Variants in SIPA1L1 observed in about 807,000 individuals in gnomAD.
The protein encoded by SIPA1L1 is signal induced proliferation associated 1 like 1, also known as signal-induced proliferation-associated 1-like protein 1.
Under a neutral mutation model 162.7 loss-of-function variants are expected in SIPA1L1, and 26 were observed. The observed-to-expected ratio is 0.16, with a 90% CI of 0.12 to 0.22. The LOEUF (loss-of-function observed/expected upper bound fraction) is 0.22. Ranked by LOEUF, SIPA1L1 falls within the 10% of genes least tolerant of loss-of-function variation. The pLI is 1.00. For missense variants in SIPA1L1, 1,874 were observed against 2,241.0 expected (o/e 0.84, Z 3.31); for synonymous variants, 829 against 837.4 (o/e 0.99, Z 0.17).
intron 2 of SIPA1L1, among the ~76,000 whole-genome samples, chr14:71,492,157 A>G (rs568593501): frequency 2.6e-5 from 4 of 152,312 alleles, no homozygotes; most frequent in South Asian, 4.1e-4. Context: ...AGGGTGGTAT[A>G]GTAACTCAGT....
intron 2 of SIPA1L1, chr14:71,413,811 A>T (rs571563455): frequency 2.8e-4 from 42 of 152,360 alleles, no homozygotes; most frequent in African/African-American, 9.9e-4. Flanking sequence ...TTTTAGAGAC[A>T]AAGTATAAAA....
At chr14:71,388,014 G>C (rs2040471228) in intron 2 of SIPA1L1, among the ~76,000 whole-genome samples, 1 of 152,258 alleles carries the variant, frequency 6.6e-6, no homozygotes, top group Admixed American at 6.5e-5. Flanking sequence ...TCACTCTGCA[G>C]AGCAAGGTGT....
intron 4 of SIPA1L1, among the ~76,000 whole-genome samples, chr14:71,544,193 A>T (rs1806056175): frequency 6.6e-6 from 1 of 151,078 alleles, no homozygotes; most frequent in Non-Finnish European, 1.5e-5. Context: ...GTATATATAC[A>T]TATGCATGTA....
chr14:71,323,658 C>G (rs985085476), intron 2 of SIPA1L1, among the ~76,000 whole-genome samples: 3 of 152,052 alleles, frequency 2.0e-5, no homozygotes, highest in African/African-American at 7.2e-5. Context: ...TGGATCAAAT[C>G]ATGGAAGTTC....
intron 17 of SIPA1L1, among the ~76,000 whole-genome samples, chr14:71,722,358 T>G (rs1265488320): frequency 6.6e-6 from 1 of 152,228 alleles, no homozygotes; most frequent in Non-Finnish European, 1.5e-5. Flanking sequence ...GATACAGTAT[T>G]ATTAACTAGA....
intron 2 of SIPA1L1, among the ~76,000 whole-genome samples, chr14:71,364,198 G>C (rs1053940646): frequency 6.6e-6 from 1 of 152,158 alleles, no homozygotes; most frequent in Non-Finnish European, 1.5e-5. Flanking sequence ...GGCAAACACT[G>C]TACTCTTAAC....
intron 13 of SIPA1L1, among the ~76,000 whole-genome samples, chr14:71,690,663 AT>A (rs1007977137): frequency 1.3e-5 from 2 of 151,890 alleles, no homozygotes; most frequent in Non-Finnish European, 1.5e-5. Context: ...GGTATTCCTG[AT>A]TTTTTTTGTA....
At chr14:71,544,507 C>G (rs1170872339) in intron 4 of SIPA1L1, among the ~76,000 whole-genome samples, 1 of 152,048 alleles carries the variant, frequency 6.6e-6, no homozygotes, top group Admixed American at 6.5e-5. Flanking sequence ...ATGGTTAACG[C>G]TGTACTATGT....
At chr14:71,567,032 C>T (rs1055079487) in intron 4 of SIPA1L1, among the ~76,000 whole-genome samples, 1 of 152,060 alleles carries the variant, frequency 6.6e-6, no homozygotes, top group African/African-American at 2.4e-5. Context: ...GATCAGTAAA[C>T]AAATTAAAAT....
rs58712418 is a variant in SIPA1L1, at chr14:71,543,937, GTATA to G, written c.-303+14572_-303+14575del. Among the ~76,000 whole-genome samples the G allele has an allele frequency of 2.1e-5, 3 of 140,530 alleles. No homozygotes were observed. In the East Asian group the frequency reaches 6.7e-4, roughly 31 times the overall value. 92.2% of individuals were successfully genotyped at this position (140,530 alleles called of 152,430 possible). Reference sequence around the variant, plus strand: ...ATACATATATCATACGTATATGTGTGTATATATACATATACGCACATGTATGTAT... The same window carrying G: ...ATACATATATCATACGTATATGTGTGTATACATATACGCACATGTATGTAT... On this transcript the variant is annotated intron_variant, in intron 4 of 23. Transcript: ENST00000381232.
intron 5 of SIPA1L1, among the ~76,000 whole-genome samples, chr14:71,602,905 A>G (rs1271444441): frequency 1.3e-5 from 2 of 152,212 alleles, no homozygotes; most frequent in African/African-American, 4.8e-5. Flanking sequence ...CCCACCATCC[A>G]TGGAAAAATT....
chr14:71,536,326 A>AAC lies in SIPA1L1; in HGVS notation c.-303+6957_-303+6958insCA, dbSNP rs1338439418. On this transcript the variant is annotated intron_variant, in intron 4 of 23. Transcript: ENST00000381232. ...TCTTAACTTCCAATGGGCTTCTTTTAAGTGTCTATGCTTAACAGAAGCTTT... is the reference window on the plus strand; with the variant it reads ...TCTTAACTTCCAATGGGCTTCTTTTAACAGTGTCTATGCTTAACAGAAGCTTT... 7.2e-5 allele frequency among the ~76,000 whole-genome samples: 11 copies of AAC among 152,268 alleles called. No individual in the cohort carries two copies. The Middle Eastern group carries it at 0.014, about 188-fold the overall frequency.
At chr14:71,594,089 C>G (rs939119330) in intron 5 of SIPA1L1, among the ~76,000 whole-genome samples, 6 of 152,220 alleles carry the variant, frequency 3.9e-5, no homozygotes, top group African/African-American at 1.4e-4. Flanking sequence ...TTCCAAAACA[C>G]ATACAAATCA....
intron 21 of SIPA1L1, among the ~76,000 whole-genome samples, chr14:71,734,936 C>T (rs372627781): frequency 5.3e-5 from 8 of 152,166 alleles, no homozygotes; most frequent in Non-Finnish European, 1.2e-4. Context: ...AGCTCTCGAA[C>T]GCATTTATTT....
intron 4 of SIPA1L1, among the ~76,000 whole-genome samples, chr14:71,555,538 A>ATT (rs1186608886): frequency 2.0e-5 from 3 of 152,146 alleles, no homozygotes; most frequent in African/African-American, 7.2e-5. Flanking sequence ...CTTTCTTATC[A>ATT]TTTATGTGTT....
At chr14:71,472,264 G>A (rs1369109267) in intron 2 of SIPA1L1, among the ~76,000 whole-genome samples, 3 of 151,026 alleles carry the variant, frequency 2.0e-5, no homozygotes, top group South Asian at 2.1e-4. Flanking sequence ...TTGTAATTGC[G>A]TAATTAAAAT....
At chr14:71,606,676 C>T (rs1013959706) in intron 5 of SIPA1L1, among the ~76,000 whole-genome samples, 2 of 151,922 alleles carry the variant, frequency 1.3e-5, no homozygotes, top group South Asian at 2.1e-4. Flanking sequence ...AAATGTGGCT[C>T]GTGGGGGATC....
intron 2 of SIPA1L1, among the ~76,000 whole-genome samples, chr14:71,392,537 AC>A (rs2040840070): frequency 6.6e-6 from 1 of 151,722 alleles, no homozygotes. Context: ...TACTATTGAA[AC>A]TTTTTTTTTT....
At chr14:71,634,234 CTACTAAAAA>C (rs1467601443) in intron 7 of SIPA1L1, among the ~76,000 whole-genome samples, 6 of 151,752 alleles carry the variant, frequency 4.0e-5, no homozygotes, top group African/African-American at 1.2e-4. Context: ...AACCCTGTGT[CTACTAAAAA>C]TACAAAAAAT....
Sources: gnomAD v4.1 joint callset for allele counts (sites outside exome capture counted in the v4.1 genomes callset) on GRCh38, gnomAD v4.1.1 for gene constraint, MANE v1.5 for transcripts, NCBI Gene and HGNC (gene_info 2026-07-23, HGNC 2026-07-21) for gene names.